Variants in RPS6KA3 observed in about 807,000 individuals in gnomAD.
RPS6KA3 encodes the protein ribosomal protein S6 kinase alpha-3.
RPS6KA3 carries 4 observed loss-of-function variants against 67.2 expected under a neutral mutation model. The observed-to-expected ratio is 0.06, with a 90% CI of 0.03 to 0.14. The LOEUF is 0.14. RPS6KA3 is among the 10% of genes least tolerant of loss of function. The pLI, the probability that RPS6KA3 is intolerant of heterozygous loss-of-function variation, is 1.00. For missense variants in RPS6KA3, 204 were observed against 559.0 expected (o/e 0.36, Z 6.40); for synonymous variants, 182 against 183.7 (o/e 0.99, Z 0.07).
At chrX:20,162,876 A>C in intron 19 of RPS6KA3, 88 bp downstream of exon 19, 1 of 669,266 alleles carries the variant, frequency 1.5e-6, no homozygotes, top group Non-Finnish European at 2.5e-6. Context: ...CAAACAAAAA[A>C]CCCCAAACAA....
chrX:20,262,745 T>C (rs1402854627), intron 1 of RPS6KA3, among the ~76,000 whole-genome samples: 1 of 111,514 alleles, frequency 9.0e-6, no homozygotes, highest in African/African-American at 3.3e-5. Context: ...TGAAAGGTGG[T>C]AAAAATAAAA....
chrX:20,222,934 C>T (rs1017885052), intron 2 of RPS6KA3, among the ~76,000 whole-genome samples: 1 of 111,615 alleles, frequency 9.0e-6, no homozygotes, highest in Non-Finnish European at 1.9e-5. Context: ...CTCACTAATT[C>T]ATTCAGACAT....
Position 20,155,238 on chromosome X carries a change from G to A in RPS6KA3, c.*160C>T. On this transcript the variant is annotated 3_prime_UTR_variant, in exon 22 of 22. Coordinates refer to ENST00000379565, the MANE Select transcript of RPS6KA3 (RefSeq NM_004586.3). Reference sequence around the variant, plus strand: ...TAACTTGCTAACAATCATTTAAAGCGAGAAGAGAGGAAAGCAGGAGCAGCA... The same window carrying A: ...TAACTTGCTAACAATCATTTAAAGCAAGAAGAGAGGAAAGCAGGAGCAGCA... The A allele has an allele frequency of 8.5e-6, 5 of 590,439 alleles. No homozygotes were observed. Among genetic ancestry groups the A allele is most frequent in the Admixed American group, 2.5e-5 (1 of 40,239 alleles). 48.7% of individuals were successfully genotyped at this position (590,439 alleles called of 1,213,427 possible). A position where few individuals can be genotyped will look rare whatever the true frequency, so the allele number is the denominator to read the frequency against.
intron 15 of RPS6KA3, among the ~76,000 whole-genome samples, chrX:20,171,305 C>T (rs1470416495): frequency 9.0e-6 from 1 of 111,557 alleles, no homozygotes; most frequent in Non-Finnish European, 1.9e-5. Flanking sequence ...GTAGACTGTA[C>T]TTGTATAACA....
At chrX:20,163,438 G>C (rs753766663) in intron 18 of RPS6KA3, among the ~76,000 whole-genome samples, 7 of 105,873 alleles carry the variant, frequency 6.6e-5, no homozygotes, top group African/African-American at 2.6e-4. Flanking sequence ...TATCAGGTAC[G>C]AACTATGAGA....
At chrX:20,266,413 C>T in intron 1 of RPS6KA3, 151 bp downstream of exon 1, 1 of 464,959 alleles carries the variant, frequency 2.2e-6, no homozygotes. Flanking sequence ...GCCAATAGAC[C>T]CACCCCAACA....
intron 3 of RPS6KA3, among the ~76,000 whole-genome samples, chrX:20,204,764 G>A (rs2068533535): frequency 9.0e-6 from 1 of 111,106 alleles, no homozygotes; most frequent in Non-Finnish European, 1.9e-5. Context: ...GCCAGATGTG[G>A]TAGCTGGCAC....
intron 10 of RPS6KA3, among the ~76,000 whole-genome samples, chrX:20,179,677 G>A (rs2067793742): frequency 9.4e-6 from 1 of 106,622 alleles, no homozygotes; most frequent in African/African-American, 3.3e-5. Context: ...AAAGAATTAA[G>A]TATTTATTCT....
chrX:20,239,213 C>A (rs1457292739), intron 1 of RPS6KA3, among the ~76,000 whole-genome samples: 2 of 110,784 alleles, frequency 1.8e-5, no homozygotes, highest in Non-Finnish European at 3.8e-5. Context: ...GATGTTGTAA[C>A]TAAAAAGATC....
rs909783018 is a variant in RPS6KA3, at chrX:20,266,617, G to A, written c.16C>T (p.Leu6=). ...GCCATCTTCTGCCACGGGTCCGCCA[G>A]CTGCGCCAGCGGCATCTTCCCCCCC... MPLAQ[L]ADPWQKMAVE... Residue 6 remains leucine, a synonymous_variant, in exon 1 of 22, where the codon CTG becomes TTG. Transcript: ENST00000379565. 4 of 1,143,265 alleles carry A rather than the reference G, an allele frequency of 3.5e-6. No individual in the cohort carries two copies. The highest frequency in any genetic ancestry group is 4.6e-6 in the Non-Finnish European group (4 of 864,811). The allele number at this position is 1,143,265 out of a possible 1,213,427, so 94.2% of individuals were successfully genotyped here.
intron 2 of RPS6KA3, among the ~76,000 whole-genome samples, chrX:20,212,609 C>T (rs2068744188): frequency 9.1e-6 from 1 of 110,272 alleles, no homozygotes; most frequent in African/African-American, 3.3e-5. Context: ...GTGGTTGGTG[C>T]GAGCCTGTAG....
rs370540939 is a variant in RPS6KA3 at position 20,166,359 on chromosome X, A to C, written c.1602+1230T>G. ...AGAAGACTTTGATGACTGCAAGGTC[A>C]TAAGTTCCTCAGTGACTACTGAGTT... On this transcript the variant is annotated intron_variant, in intron 17 of 21. Transcript: ENST00000379565. 2.7e-5 allele frequency among the ~76,000 whole-genome samples: 3 copies of C among 111,876 alleles called. No individual in the cohort carries two copies. The East Asian group carries it at 8.4e-4, about 31-fold the overall frequency.
intron 4 of RPS6KA3, among the ~76,000 whole-genome samples, chrX:20,195,939 ATTG>A (rs1248152489): frequency 2.7e-5 from 3 of 112,334 alleles, no homozygotes; most frequent in African/African-American, 9.7e-5. Context: ...AATAGTAGCT[ATTG>A]TTATTATATG....
chrX:20,261,459 G>A (rs906878969), intron 1 of RPS6KA3, among the ~76,000 whole-genome samples: 3 of 112,003 alleles, frequency 2.7e-5, no homozygotes, highest in Non-Finnish European at 3.8e-5. Flanking sequence ...ATTTTGGTGT[G>A]CCAAAGTTTA....
chrX:20,251,767 A>G (rs1450490473), intron 1 of RPS6KA3, among the ~76,000 whole-genome samples: 2 of 112,766 alleles, frequency 1.8e-5, no homozygotes, highest in African/African-American at 6.4e-5. Context: ...CTATTAGACA[A>G]TAACTACTCA....
chrX:20,246,128 A>G (rs1197958397), intron 1 of RPS6KA3, among the ~76,000 whole-genome samples: 2 of 107,131 alleles, frequency 1.9e-5, no homozygotes, highest in Admixed American at 2.0e-4. Flanking sequence ...AAAAGAAAAA[A>G]AAAAAAAAAA....
intron 2 of RPS6KA3, among the ~76,000 whole-genome samples, chrX:20,218,167 A>T: frequency 8.9e-6 from 1 of 112,264 alleles, no homozygotes; most frequent in Non-Finnish European, 1.9e-5. Context: ...TCATGGCAAA[A>T]TATCAAGTTG....
intron 10 of RPS6KA3, among the ~76,000 whole-genome samples, chrX:20,178,413 CT>C (rs1008348348): frequency 1.2e-4 from 13 of 109,447 alleles, no homozygotes; most frequent in African/African-American, 3.3e-4. Flanking sequence ...TTATATCCCC[CT>C]ATTAGACACA....
chrX:20,241,429 GA>G (rs1166076802), intron 1 of RPS6KA3, among the ~76,000 whole-genome samples: 6 of 75,925 alleles, frequency 7.9e-5, no homozygotes, highest in African/African-American at 2.4e-4. Context: ...TTGAGTAAAT[GA>G]AAAAAAAAAG....
Sources: gnomAD v4.1 joint callset for allele counts (sites outside exome capture counted in the v4.1 genomes callset) on GRCh38, gnomAD v4.1.1 for gene constraint, MANE v1.5 for transcripts, NCBI Gene and HGNC (gene_info 2026-07-23, HGNC 2026-07-21) for gene names.